The following MAST4 variants were observed in gnomAD, a reference collection of about 807,000 sequenced individuals.
The protein encoded by MAST4 is microtubule associated serine/threonine kinase family member 4, also known as microtubule-associated serine/threonine-protein kinase 4.
MAST4 carries 89 observed loss-of-function variants against 162.7 expected under a neutral mutation model. The ratio of observed to expected loss-of-function variants is 0.55; its 90% CI spans 0.46 to 0.65. The LOEUF (loss-of-function observed/expected upper bound fraction) is 0.65. MAST4 is among the 30% of genes least tolerant of loss of function. The pLI is 0.00. For missense variants in MAST4, 3,153 were observed against 3,374.0 expected (o/e 0.93, Z 1.62); for synonymous variants, 1,479 against 1,361.1 (o/e 1.09, Z -1.91).
At chr5:67,079,442 A>G (rs1762355694) in intron 5 of MAST4, among the ~76,000 whole-genome samples, 1 of 152,148 alleles carries the variant, frequency 6.6e-6, no homozygotes, top group Non-Finnish European at 1.5e-5. Context: ...ATATTTCTAG[A>G]TAGGTACATA....
chr5:66,662,064 C>G (rs554848346), intron 1 of MAST4, among the ~76,000 whole-genome samples: 1 of 151,592 alleles, frequency 6.6e-6, no homozygotes, highest in Admixed American at 6.6e-5. Flanking sequence ...ATTCAGTGTA[C>G]TAGTTAATCC....
chr5:66,899,946 T>C lies in MAST4; in HGVS notation c.643-5T>C, dbSNP rs7711116. The C allele has an allele frequency of 0.1, 151,417 of 1,510,948 alleles. 9,125 individuals carry two copies. Among genetic ancestry groups the C allele is most frequent in the African/African-American group, 0.2 (14,266 of 70,272 alleles). The allele number at this position is 1,510,948 out of a possible 1,614,324, so 93.6% of individuals were successfully genotyped here. On this transcript the variant is annotated splice_polypyrimidine_tract_variant and splice_region_variant and intron_variant, in intron 3 of 28. Transcript: ENST00000403625. The stretch of plus-strand genomic sequence containing the variant: ...GCTTATATATGGTTTTTTTTTCTTT[T>C]GCAGAAGGAGCTGAGTCTCCCCAGA...
intron 1 of MAST4, among the ~76,000 whole-genome samples, chr5:66,725,261 T>C (rs1316715485): frequency 6.6e-6 from 1 of 152,178 alleles, no homozygotes; most frequent in Non-Finnish European, 1.5e-5. Context: ...CAAATTTGTG[T>C]TTTAATAAAA....
intron 3 of MAST4, among the ~76,000 whole-genome samples, chr5:66,825,732 G>T (rs2149743234): frequency 6.6e-6 from 1 of 152,198 alleles, no homozygotes; most frequent in African/African-American, 2.4e-5. Context: ...CTATAATAGA[G>T]TGGGCATGTG....
chr5:67,048,150 T>C (rs1254628729), intron 4 of MAST4, among the ~76,000 whole-genome samples: 1 of 152,180 alleles, frequency 6.6e-6, no homozygotes. Context: ...AAAGACATTT[T>C]TCAAAGCTTT....
intron 1 of MAST4, among the ~76,000 whole-genome samples, chr5:66,657,322 C>G (rs1746616489): frequency 6.6e-6 from 1 of 152,144 alleles, no homozygotes; most frequent in Non-Finnish European, 1.5e-5. Flanking sequence ...GTCTTATCAC[C>G]AAGGAGAATA....
chr5:66,729,652 T>C (rs1320861291), intron 1 of MAST4, among the ~76,000 whole-genome samples: 2 of 152,184 alleles, frequency 1.3e-5, no homozygotes, highest in African/African-American at 4.8e-5. Context: ...ACTTGCATAA[T>C]GTTCTGGGAC....
chr5:67,072,984 G>A (rs1156764899), intron 5 of MAST4, among the ~76,000 whole-genome samples: 2 of 152,214 alleles, frequency 1.3e-5, no homozygotes, highest in Non-Finnish European at 1.5e-5. Context: ...TTATAGTTGT[G>A]ATGGTACTTT....
At chr5:67,047,966 T>A (rs1757584490) in intron 4 of MAST4, among the ~76,000 whole-genome samples, 1 of 152,068 alleles carries the variant, frequency 6.6e-6, no homozygotes, top group Non-Finnish European at 1.5e-5. Flanking sequence ...GTCGACTGAT[T>A]TACATGAGAA....
chr5:67,098,716 A>G (rs1190990135), intron 7 of MAST4, among the ~76,000 whole-genome samples: 1 of 152,130 alleles, frequency 6.6e-6, no homozygotes, highest in East Asian at 1.9e-4. Context: ...GTAAATCTTC[A>G]TTCTTTGGAC....
chr5:66,837,894 A>ATATATTTTT (rs1554057455), intron 3 of MAST4, among the ~76,000 whole-genome samples: 1 of 53,712 alleles, frequency 1.9e-5, no homozygotes, highest in African/African-American at 1.0e-4. Flanking sequence ...ATATATATAT[A>ATATATTTTT]TTTTTTTTTT....
intron 4 of MAST4, among the ~76,000 whole-genome samples, chr5:67,027,661 G>A (rs1181597491): frequency 6.6e-6 from 1 of 152,180 alleles, no homozygotes; most frequent in Non-Finnish European, 1.5e-5. Context: ...AGGGTTTTCA[G>A]TCTAAAAACA....
intron 1 of MAST4, among the ~76,000 whole-genome samples, chr5:66,605,867 T>C (rs145412404): frequency 6.6e-6 from 1 of 152,232 alleles, no homozygotes; most frequent in Non-Finnish European, 1.5e-5. Context: ...ATTTCCACTT[T>C]TGACATTAAA....
intron 3 of MAST4, among the ~76,000 whole-genome samples, chr5:66,801,212 C>T (rs1382291538): frequency 6.6e-6 from 1 of 151,978 alleles, no homozygotes; most frequent in Non-Finnish European, 1.5e-5. Context: ...TGTGTATCTC[C>T]ACTAGGAAAC....
chr5:67,136,101 G>A (rs1769608634), intron 18 of MAST4, among the ~76,000 whole-genome samples: 1 of 152,102 alleles, frequency 6.6e-6, no homozygotes, highest in African/African-American at 2.4e-5. Context: ...TAGAGCTGAA[G>A]AACTCTATGG....
In MAST4 at chr5:66,916,235, G is replaced by A. The variant is rs186402361; in HGVS notation, c.674+16253G>A. On this transcript the variant is annotated intron_variant, in intron 4 of 28. Transcript: ENST00000403625. ...TAAGTGGCTCTGAATTGTATTTCTG[G>A]TGGAGACCAATGGCTTAGAACATTC... is the stretch of plus-strand genomic sequence containing the variant. Among the ~76,000 whole-genome samples, 13 of 152,218 alleles carry A rather than the reference G, an allele frequency of 8.5e-5. No homozygotes were observed. In the East Asian group the frequency reaches 2.5e-3, roughly 29 times the overall value.
At chr5:67,041,029 G>T (rs913970771) in intron 4 of MAST4, among the ~76,000 whole-genome samples, 1 of 152,170 alleles carries the variant, frequency 6.6e-6, no homozygotes, top group Non-Finnish European at 1.5e-5. Flanking sequence ...TTAAACCATT[G>T]CTTGGAGTGT....
At chr5:66,834,983 T>G (rs1222442082) in intron 3 of MAST4, among the ~76,000 whole-genome samples, 2 of 152,090 alleles carry the variant, frequency 1.3e-5, no homozygotes, top group Admixed American at 6.6e-5. Flanking sequence ...TTACCATTTA[T>G]CTCCTGGATT....
At chr5:66,815,606 TAACGTTTTTAAA>T (rs1164085027) in intron 3 of MAST4, among the ~76,000 whole-genome samples, 2 of 152,158 alleles carry the variant, frequency 1.3e-5, no homozygotes, top group Non-Finnish European at 2.9e-5. Context: ...AGAAGACAAA[TAACGTTTTTAAA>T]AAATTCTTCT....
Sources: gnomAD v4.1 joint callset for allele counts (sites outside exome capture counted in the v4.1 genomes callset) on GRCh38, gnomAD v4.1.1 for gene constraint, MANE v1.5 for transcripts, NCBI Gene and HGNC (gene_info 2026-07-23, HGNC 2026-07-21) for gene names.